The following GNL2 variants were observed in gnomAD, a reference collection of about 807,000 sequenced individuals.
GNL2 encodes the protein nucleolar GTP-binding protein 2.
In GNL2, 51 loss-of-function variants were observed where a neutral mutation model predicts 92.3. That is an observed-to-expected ratio of 0.55 (90% CI 0.44 to 0.70). GNL2 has a LOEUF of 0.70. GNL2 is among the 30% of genes least tolerant of loss of function. The pLI, the probability that GNL2 is intolerant of heterozygous loss-of-function variation, is 0.00. For missense variants in GNL2, 844 were observed against 895.6 expected (o/e 0.94, Z 0.74); for synonymous variants, 283 against 300.6 (o/e 0.94, Z 0.61).
intron 6 of GNL2, chr1:37,583,229 TTCTTTAAGTTTGTAATATTA>T (rs1235425192): frequency 5.3e-4 from 111 of 211,012 alleles, no homozygotes; most frequent in African/African-American, 2.3e-3. Flanking sequence ...CTTCTTAGAC[TTCTTTAAGTTTGTAATATTA>T]TCTTTAAGTT....
At position 37,590,693 on chromosome 1, in the gene GNL2, T is replaced by C. The variant is rs369151424; in HGVS notation, c.384+13A>G. 1.6e-5 allele frequency: 25 copies of C among 1,608,846 alleles called. No individual in the cohort carries two copies. In the African/African-American group the frequency reaches 2.1e-4, roughly 14 times the overall value. ...CCAGGAAATTCCATCACCAGGGATA[T>C]CCTACATCTTACATGAGGCCGGATT... On this transcript the variant is annotated intron_variant, in intron 4 of 15. Coordinates refer to ENST00000373062, the MANE Select transcript of GNL2 (RefSeq NM_013285.3).
chr1:37,574,677 C>T lies in GNL2; in HGVS notation c.1290G>A (p.Gly430=). The T allele has an allele frequency of 6.2e-7, 1 of 1,613,840 alleles. No homozygotes were observed. The highest frequency in any genetic ancestry group is 8.5e-7 in the Non-Finnish European group (1 of 1,179,906). Residue 430 remains glycine (G), a synonymous_variant, in exon 11 of 16, where the codon GGG becomes GGA. Coordinates refer to ENST00000373062, the MANE Select transcript of GNL2 (RefSeq NM_013285.3). ...DFLEKLAFRT[G]KLLKGGEPDL... ...AACGCCGGGTCACCTTTAGTAACTT[C>T]CCAGTCCGGAAAGCGAGCTTCTCAA...
At chr1:37,588,121 A>G (rs1006593212) in intron 4 of GNL2, among the ~76,000 whole-genome samples, 1 of 152,144 alleles carries the variant, frequency 6.6e-6, no homozygotes, top group African/African-American at 2.4e-5. Flanking sequence ...ACATCTAGCA[A>G]AAGTCCAAAA....
intron 14 of GNL2, chr1:37,568,048 T>C (rs1417489853): frequency 3.4e-6 from 2 of 591,528 alleles, no homozygotes; most frequent in Non-Finnish European, 6.0e-6. Flanking sequence ...AGGTTAATAA[T>C]GAACCCTTTC....
Position 37,574,650 on chromosome 1 carries a change from C to G in GNL2, c.1302+15G>C. On this transcript the variant is annotated intron_variant, in intron 11 of 15. Transcript: ENST00000373062. Reference sequence around the variant, plus strand: ...TGACAAGTATCAGTCTAAATTCTCACAAACGCCGGGTCACCTTTAGTAACT... The same window carrying G: ...TGACAAGTATCAGTCTAAATTCTCAGAAACGCCGGGTCACCTTTAGTAACT... 6.2e-7 allele frequency: 1 copy of G among 1,612,544 alleles called. No individual in the cohort carries two copies. The highest frequency in any genetic ancestry group is 2.2e-5 in the East Asian group (1 of 44,872).
At chr1:37,572,889 A>G (rs1643616909) in intron 12 of GNL2, among the ~76,000 whole-genome samples, 1 of 152,166 alleles carries the variant, frequency 6.6e-6, no homozygotes, top group South Asian at 2.1e-4. Context: ...ACTGAATTAA[A>G]TTGTTGGGAC....
chr1:37,595,714 A>G (rs1285238806), intron 1 of GNL2, 45 bp downstream of exon 1: 38 of 1,556,456 alleles, frequency 2.4e-5, no homozygotes, highest in Non-Finnish European at 2.7e-5. Flanking sequence ...GCCCTTCCCT[A>G]TACTTCCTCC....
At position 37,574,705 on chromosome 1, in the gene GNL2, A is replaced by G; in HGVS notation, c.1262T>C (p.Phe421Ser). ...KIDSWENAED[F>S]LEKLAFRTGK... ...AGTCCGGAAAGCGAGCTTCTCAAGA[A>G]AGTCCTCAGCATTCTCCCAAGAATC... Residue 421 changes from phenylalanine (F) to serine (S), a missense_variant, in exon 11 of 16, where the codon TTT (phenylalanine) becomes TCT (serine). Phe to Ser is a radical substitution (Grantham distance 155). Coordinates refer to ENST00000373062, the MANE Select transcript of GNL2 (RefSeq NM_013285.3). 6.2e-7 allele frequency: 1 copy of G among 1,614,076 alleles called. No homozygotes were observed. Among genetic ancestry groups the G allele is most frequent in the Non-Finnish European group, 8.5e-7 (1 of 1,179,980 alleles).
At position 37,575,040 on chromosome 1, in the gene GNL2, C is replaced by T. The variant is rs2148131697; in HGVS notation, c.1144-217G>A. On this transcript the variant is annotated intron_variant, in intron 10 of 15. Transcript: ENST00000373062. This position sits in a 1 kb window ranked among gnomAD's most constrained non-coding sequence, Gnocchi z 4.1. ...ACGGAGCCCAGAACTCAGCTTTAATCCCCACTCACCACAAACTAACTGTGT... is the reference window on the plus strand; with the variant it reads ...ACGGAGCCCAGAACTCAGCTTTAATTCCCACTCACCACAAACTAACTGTGT... Among the ~76,000 whole-genome samples, 1 of 152,312 alleles carries T rather than the reference C, an allele frequency of 6.6e-6. No homozygotes were observed. The highest frequency in any genetic ancestry group is 1.9e-4 in the East Asian group (1 of 5,180).
At chr1:37,570,967 T>C (rs1457347228) in intron 12 of GNL2, 1 of 152,184 alleles carries the variant, frequency 6.6e-6, no homozygotes, top group Admixed American at 6.5e-5. Context: ...AGTGATGTTC[T>C]AAAGTCAAGA....
At chr1:37,582,526 A>C (rs532634872) in intron 7 of GNL2, among the ~76,000 whole-genome samples, 190 bp from the exon 8 acceptor site, 87 of 152,384 alleles carry the variant, frequency 5.7e-4, no homozygotes, top group Middle Eastern at 3.4e-3. Flanking sequence ...TTATAAATAC[A>C]AAACAATATT....
intron 8 of GNL2, chr1:37,581,363 T>C (rs1274804585): frequency 2.0e-5 from 9 of 455,910 alleles, no homozygotes; most frequent in Admixed American, 1.6e-4. Context: ...CTTTAAGAAT[T>C]TGATAGGGTA....
chr1:37,574,680 A>G lies in GNL2; in HGVS notation c.1287T>C (p.Thr429=), dbSNP rs764525136. 3.1e-6 allele frequency: 5 copies of G among 1,613,862 alleles called. No individual in the cohort carries two copies. Among genetic ancestry groups the G allele is most frequent in the Non-Finnish European group, 4.2e-6 (5 of 1,179,930 alleles). ...GCCGGGTCACCTTTAGTAACTTCCC[A>G]GTCCGGAAAGCGAGCTTCTCAAGAA... ...EDFLEKLAFR[T]GKLLKGGEPD... is the part of the protein sequence containing the mutation. The change falls in exon 11 of 16, where the codon ACT becomes ACC. Residue 429 remains threonine, a synonymous_variant. Transcript: ENST00000373062.
At position 37,575,534 on chromosome 1, in the gene GNL2, A is replaced by T; in HGVS notation, c.1143+61T>A. On this transcript the variant is annotated intron_variant, in intron 10 of 15. Transcript: ENST00000373062. The surrounding 1 kb of genome is among the most constrained non-coding windows in gnomAD (Gnocchi z 4.1). ...TAATAAGTAAAAAGGAAAGGTATCC[A>T]GGGTTCCCTATAGAACACTCCCCCG... is the stretch of plus-strand genomic sequence containing the variant. 1 of 951,930 alleles carries T rather than the reference A, an allele frequency of 1.1e-6. No individual in the cohort carries two copies. The highest frequency in any genetic ancestry group is 1.6e-6 in the Non-Finnish European group (1 of 644,134). The allele number at this position is 951,930 out of a possible 1,614,324, so 59.0% of individuals were successfully genotyped here. A position where few individuals can be genotyped will look rare whatever the true frequency, so the allele number is the denominator to read the frequency against.
At chr1:37,580,188 G>A (rs574041254) in intron 8 of GNL2, among the ~76,000 whole-genome samples, 6 of 152,238 alleles carry the variant, frequency 3.9e-5, no homozygotes, top group Non-Finnish European at 8.8e-5. Context: ...CAGCACTTCA[G>A]GAGGCCAAAA....
At chr1:37,581,621 A>G (rs1643769057) in intron 8 of GNL2, 1 of 420,252 alleles carries the variant, frequency 2.4e-6, no homozygotes, top group Non-Finnish European at 4.8e-6. Flanking sequence ...AGAATCTCTT[A>G]TAATCCTGAT....
rs1036976368 is a variant in GNL2 at position 37,593,954 on chromosome 1, C to T, written c.65-108G>A. ...AGTTCACCCAAATTAGGTAAGAAGCCACCAACCACAAAAATCTCTACTTTC... is the reference window on the plus strand; with the variant it reads ...AGTTCACCCAAATTAGGTAAGAAGCTACCAACCACAAAAATCTCTACTTTC... On this transcript the variant is annotated intron_variant, in intron 1 of 15. Transcript: ENST00000373062. 5 of 694,238 alleles carry T rather than the reference C, an allele frequency of 7.2e-6. No individual in the cohort carries two copies. In the African/African-American group the frequency reaches 9.0e-5, roughly 13 times the overall value. 43.0% of individuals were successfully genotyped at this position (694,238 alleles called of 1,614,324 possible). A position where few individuals can be genotyped will look rare whatever the true frequency, so the allele number is the denominator to read the frequency against.
chr1:37,582,882 C>G lies in GNL2; in HGVS notation c.691G>C (p.Gly231Arg). ...VQVLDARDPM[G>R]TRSPHIETYL... ...GTTTCAATGTGAGGGGAACGAGTAC[C>G]CATTGGATCTCTAGCATCAAGAACT... The change falls in exon 7 of 16, where the codon GGT (glycine) becomes CGT (arginine). Residue 231 changes from glycine (G) to arginine (R), a missense_variant. Transcript: ENST00000373062. The G allele has an allele frequency of 5.6e-6, 9 of 1,611,510 alleles. No individual in the cohort carries two copies. Among genetic ancestry groups the G allele is most frequent in the Non-Finnish European group, 7.6e-6 (9 of 1,177,762 alleles).
chr1:37,592,355 T>C (rs1643892525), intron 3 of GNL2, among the ~76,000 whole-genome samples: 1 of 152,174 alleles, frequency 6.6e-6, no homozygotes, highest in Non-Finnish European at 1.5e-5. Context: ...CTAATGCACT[T>C]ACCCTGAAGG....
Sources: gnomAD v4.1 joint callset for allele counts (sites outside exome capture counted in the v4.1 genomes callset) on GRCh38, gnomAD v4.1.1 for gene constraint, Gnocchi (gnomAD v3.1) non-coding constraint, MANE v1.5 for transcripts, NCBI Gene and HGNC (gene_info 2026-07-23, HGNC 2026-07-21) for gene names.